The following FNIP1 variants were observed in gnomAD, a reference collection of about 807,000 sequenced individuals.
FNIP1 encodes folliculin-interacting protein 1.
FNIP1 carries 40 observed loss-of-function variants against 124.5 expected under a neutral mutation model. That is an observed-to-expected ratio of 0.32 (90% CI 0.25 to 0.42). FNIP1 has a LOEUF of 0.42. FNIP1 is among the 10% of genes least tolerant of loss of function. FNIP1 has a pLI of 1.00. For synonymous variants in FNIP1, 472 were observed against 470.6 expected, an observed-to-expected ratio of 1.00 and a Z score of -0.04; for missense variants, 1,176 against 1,403.7, an observed-to-expected ratio of 0.84 and a Z score of 2.59.
At chr5:131,682,812 C>T (rs1283744464) in intron 11 of FNIP1, among the ~76,000 whole-genome samples, 1 of 152,098 alleles carries the variant, frequency 6.6e-6, no homozygotes, top group Non-Finnish European at 1.5e-5. Context: ...GTAAGAAAAG[C>T]AAATACTTTC....
At chr5:131,662,601 G>A (rs746657410) in intron 15 of FNIP1, among the ~76,000 whole-genome samples, 1 of 152,094 alleles carries the variant, frequency 6.6e-6, no homozygotes, top group Non-Finnish European at 1.5e-5. Context: ...TCCAGGCTTT[G>A]GGAGCAAGTC....
chr5:131,782,906 G>A (rs1362008408), intron 1 of FNIP1, among the ~76,000 whole-genome samples: 3 of 152,182 alleles, frequency 2.0e-5, no homozygotes, highest in Non-Finnish European at 4.4e-5. Flanking sequence ...CAAGTGATCC[G>A]TCCGCCTCGG....
At chr5:131,729,557 T>G (rs866790501) in intron 3 of FNIP1, among the ~76,000 whole-genome samples, 11 of 152,224 alleles carry the variant, frequency 7.2e-5, no homozygotes, top group South Asian at 6.2e-4. Context: ...TGTTCCTATT[T>G]GGCCATCTTG....
At position 131,672,408 on chromosome 5, in the gene FNIP1, T is replaced by C. The variant is rs764573290; in HGVS notation, c.2036A>G (p.Glu679Gly). 1.2e-6 allele frequency: 2 copies of C among 1,614,124 alleles called. No individual in the cohort carries two copies. Among genetic ancestry groups the C allele is most frequent in the Non-Finnish European group, 1.7e-6 (2 of 1,180,044 alleles). Residue 679 changes from glutamate to glycine, a missense_variant, in exon 14 of 18, where the codon GAG becomes GGG. This residue lies in a region of FNIP1 where 1,109 missense variants were observed against 1,288.5 expected (regional missense o/e 0.86). Coordinates refer to ENST00000510461, the MANE Select transcript of FNIP1 (RefSeq NM_133372.3). ...KLRTCFDAKL[E>G]TVVCTGSVPV... Reference sequence around the variant, plus strand: ...AACAGATCCTGTGCAAACAACTGTCTCTAACTTGGCGTCAAAGCAAGTTCT... The same window carrying C: ...AACAGATCCTGTGCAAACAACTGTCCCTAACTTGGCGTCAAAGCAAGTTCT...
At chr5:131,683,565 A>C (rs923374887) in intron 11 of FNIP1, among the ~76,000 whole-genome samples, 1 of 151,828 alleles carries the variant, frequency 6.6e-6, no homozygotes, top group East Asian at 1.9e-4. Context: ...AAAAAAAAAA[A>C]AAAAAAACCA....
At chr5:131,757,547 A>C (rs1273677436) in intron 1 of FNIP1, among the ~76,000 whole-genome samples, 1 of 152,116 alleles carries the variant, frequency 6.6e-6, no homozygotes, top group Non-Finnish European at 1.5e-5. Flanking sequence ...GACAGGGCCA[A>C]GTTACTAGGC....
At chr5:131,732,713 G>A (rs1430958422) in intron 2 of FNIP1, among the ~76,000 whole-genome samples, 3 of 152,214 alleles carry the variant, frequency 2.0e-5, no homozygotes, top group Non-Finnish European at 2.9e-5. Context: ...CCAGCACCAT[G>A]CTGTTTTGGT....
At chr5:131,654,673 T>C (rs563707750) in intron 15 of FNIP1, among the ~76,000 whole-genome samples, 6 of 152,238 alleles carry the variant, frequency 3.9e-5, no homozygotes, top group African/African-American at 1.4e-4. Context: ...GATAGGGAGT[T>C]TCGCAGTGAA....
At chr5:131,647,342 A>G (rs1174287889) in intron 16 of FNIP1, 137 bp from the exon 17 acceptor site, 2 of 636,696 alleles carry the variant, frequency 3.1e-6, no homozygotes, top group Middle Eastern at 2.6e-4. Flanking sequence ...GCACATTTTT[A>G]AAGTATGTAG....
At chr5:131,783,047 G>A (rs780688489) in intron 1 of FNIP1, among the ~76,000 whole-genome samples, 8 of 152,182 alleles carry the variant, frequency 5.3e-5, no homozygotes, top group African/African-American at 1.7e-4. Context: ...AGACTACAGC[G>A]TAGTGTAAAT....
chr5:131,696,434 C>T (rs1440541514), intron 11 of FNIP1, among the ~76,000 whole-genome samples: 1 of 151,884 alleles, frequency 6.6e-6, no homozygotes, highest in Non-Finnish European at 1.5e-5. Context: ...AGTGAAGATG[C>T]CAGTAAACTA....
intron 1 of FNIP1, among the ~76,000 whole-genome samples, chr5:131,777,320 AAT>A (rs1177541182): frequency 2.0e-5 from 3 of 152,108 alleles, no homozygotes; most frequent in Non-Finnish European, 2.9e-5. Flanking sequence ...AACACCTAGA[AAT>A]AATGATGACC....
At chr5:131,777,797 A>G (rs1406820567) in intron 1 of FNIP1, among the ~76,000 whole-genome samples, 2 of 152,244 alleles carry the variant, frequency 1.3e-5, no homozygotes, top group Non-Finnish European at 2.9e-5. Flanking sequence ...TAACAACATT[A>G]GCACTAATTA....
chr5:131,710,534 G>T, intron 7 of FNIP1, 44 bp downstream of exon 7: 1 of 1,572,902 alleles, frequency 6.4e-7, no homozygotes, highest in Non-Finnish European at 8.7e-7. Context: ...GATTCTAGCC[G>T]TTGGGGCACA....
chr5:131,765,822 T>C (rs1771402369), intron 1 of FNIP1, among the ~76,000 whole-genome samples: 2 of 152,214 alleles, frequency 1.3e-5, no homozygotes. Context: ...CTCTACTTTT[T>C]ATTAACAGCC....
rs551375586 is a variant in FNIP1 at position 131,783,453 on chromosome 5, C to G, written c.92+13377G>C. Among the ~76,000 whole-genome samples the G allele has an allele frequency of 5.3e-3, 704 of 132,690 alleles. 8 individuals are homozygous for G. Among genetic ancestry groups the G allele is most frequent in the African/African-American group, 0.018 (670 of 36,596 alleles). 87.0% of individuals were successfully genotyped at this position (132,690 alleles called of 152,430 possible). A position where few individuals can be genotyped will look rare whatever the true frequency, so the allele number is the denominator to read the frequency against. ...TAGGAGAGGAAAAAACAAAACAGAC[C>G]AAAAAAAAAAAACAAGAAATTTGAA... On this transcript the variant is annotated intron_variant, in intron 1 of 17. Transcript: ENST00000510461.
intron 15 of FNIP1, among the ~76,000 whole-genome samples, chr5:131,657,510 T>C (rs1460112660): frequency 6.6e-6 from 1 of 151,874 alleles, no homozygotes; most frequent in East Asian, 1.9e-4. Context: ...CAATATTCTA[T>C]AAAAATGATT....
At chr5:131,676,937 A>G (rs532101650) in intron 13 of FNIP1, among the ~76,000 whole-genome samples, 2 of 152,286 alleles carry the variant, frequency 1.3e-5, no homozygotes, top group African/African-American at 4.8e-5. Context: ...ACCTAAGGAA[A>G]GTTACTACCC....
chr5:131,704,388 T>G, intron 9 of FNIP1, 122 bp from the exon 10 acceptor site: 3 of 739,174 alleles, frequency 4.1e-6, no homozygotes, highest in Non-Finnish European at 6.5e-6. Flanking sequence ...AAACCTATAA[T>G]TTCATACCAA....
Sources: gnomAD v4.1 joint callset for allele counts (sites outside exome capture counted in the v4.1 genomes callset) on GRCh38, gnomAD v4.1.1 for gene constraint, gnomAD v4.1.1 regional missense constraint, MANE v1.5 for transcripts, NCBI Gene and HGNC (gene_info 2026-07-23, HGNC 2026-07-21) for gene names.